Variants in CRPPA observed in about 807,000 individuals in gnomAD.
CRPPA encodes D-ribitol-5-phosphate cytidylyltransferase.
A neutral mutation model predicts 52.0 loss-of-function variants in CRPPA; 43 were observed. That is an observed-to-expected ratio of 0.83 (90% CI 0.65 to 1.07). CRPPA has a LOEUF of 1.07. Ranked by LOEUF, CRPPA falls within the 50% of genes least tolerant of loss-of-function variation. CRPPA has a pLI of 0.00. For missense variants in CRPPA, 629 were observed against 551.7 expected, an observed-to-expected ratio of 1.14 and a Z score of -1.40; for synonymous variants, 250 against 203.5, an observed-to-expected ratio of 1.23 and a Z score of -1.94.
chr7:16,339,094 C>T (rs967975635), intron 3 of CRPPA, among the ~76,000 whole-genome samples: 5 of 152,202 alleles, frequency 3.3e-5, no homozygotes, highest in African/African-American at 9.6e-5. Flanking sequence ...CGTGAGCCAC[C>T]GTACCCGGCC....
intron 5 of CRPPA, among the ~76,000 whole-genome samples, chr7:16,289,105 A>G (rs1368190698): frequency 6.6e-6 from 1 of 152,128 alleles, no homozygotes; most frequent in Non-Finnish European, 1.5e-5. Context: ...GAACACTTAG[A>G]GGAAGTTGTT....
chr7:16,152,497 G>C (rs1783096005), intron 9 of CRPPA, among the ~76,000 whole-genome samples: 1 of 151,922 alleles, frequency 6.6e-6, no homozygotes, highest in South Asian at 2.1e-4. Context: ...AATTAAAAGT[G>C]TCATTCCCAT....
chr7:16,394,004 G>C (rs1025642884), intron 2 of CRPPA, among the ~76,000 whole-genome samples: 1 of 152,106 alleles, frequency 6.6e-6, no homozygotes, highest in Non-Finnish European at 1.5e-5. Flanking sequence ...CCAGTAAATA[G>C]ACTGGAGGAA....
rs1466392698 is a variant in CRPPA at position 16,090,779 on chromosome 7, A to T, written c.*916T>A. On this transcript the variant is annotated 3_prime_UTR_variant, in exon 10 of 10. Transcript: ENST00000407010. ...ATGTATAGATTAAAAGTCACCTCTAATGAATTAAAGGACACCCATAATTAT... is the reference window on the plus strand; with the variant it reads ...ATGTATAGATTAAAAGTCACCTCTATTGAATTAAAGGACACCCATAATTAT... 2.6e-5 allele frequency: 4 copies of T among 152,114 alleles called. No individual in the cohort carries two copies. The highest frequency in any genetic ancestry group is 9.7e-5 in the African/African-American group (4 of 41,450). 9.4% of individuals were successfully genotyped at this position (152,114 alleles called of 1,614,324 possible).
rs182563541 is a variant in CRPPA at position 16,273,196 on chromosome 7, G to C, written c.933+4933C>G. 1.6e-3 allele frequency among the ~76,000 whole-genome samples: 236 copies of C among 148,768 alleles called. 2 individuals are homozygous for C. The highest frequency in any genetic ancestry group is 5.6e-3 in the African/African-American group (226 of 40,474). On this transcript the variant is annotated intron_variant, in intron 6 of 9. Coordinates refer to ENST00000407010, the MANE Select transcript of CRPPA (RefSeq NM_001101426.4). ...ACAGGAGACACGGAAATCCCGGGTA[G>C]AAGAGGACAGTCCCTGGTGAGGGCC... is the stretch of plus-strand genomic sequence containing the variant.
chr7:16,303,572 T>C (rs1784840880), intron 4 of CRPPA, among the ~76,000 whole-genome samples: 1 of 150,122 alleles, frequency 6.7e-6, no homozygotes, highest in South Asian at 2.1e-4. Context: ...TCTCCCATCT[T>C]TCCCTTCACA....
In CRPPA at chr7:16,211,112, G is replaced by A. The variant is rs561414009; in HGVS notation, c.1251+4954C>T. ...CCTGAAAATACGTGCATTTTGTATT[G>A]ACAAAAAAATCTGTAGCAGAAGGTG... On this transcript the variant is annotated intron_variant, in intron 9 of 9. Transcript: ENST00000407010. Among the ~76,000 whole-genome samples, 4 of 152,142 alleles carry A rather than the reference G, an allele frequency of 2.6e-5. No individual in the cohort carries two copies. In the South Asian group the frequency reaches 8.3e-4, roughly 32 times the overall value.
intron 3 of CRPPA, among the ~76,000 whole-genome samples, chr7:16,353,710 C>T (rs911245433): frequency 1.7e-4 from 26 of 151,894 alleles, no homozygotes; most frequent in African/African-American, 5.3e-4. Context: ...TTTAACCAGG[C>T]GTGGTGACAC....
chr7:16,282,904 A>C (rs994606452), intron 5 of CRPPA, among the ~76,000 whole-genome samples: 8 of 152,042 alleles, frequency 5.3e-5, no homozygotes, highest in African/African-American at 1.9e-4. Context: ...ACTAATGATA[A>C]ATTCTCAATC....
intron 9 of CRPPA, among the ~76,000 whole-genome samples, chr7:16,096,104 A>G (rs935021395): frequency 3.3e-5 from 5 of 152,298 alleles, no homozygotes; most frequent in Middle Eastern, 3.4e-3. Context: ...GCCCTAAGAA[A>G]GCTTCAACAA....
At chr7:16,386,322 T>G (rs76312069) in intron 2 of CRPPA, among the ~76,000 whole-genome samples, 1 of 152,184 alleles carries the variant, frequency 6.6e-6, no homozygotes, top group Non-Finnish European at 1.5e-5. Context: ...CTGTCTGCTC[T>G]TCTGCTCATG....
At chr7:16,191,931 G>C (rs1488277651) in intron 9 of CRPPA, among the ~76,000 whole-genome samples, 5 of 152,102 alleles carry the variant, frequency 3.3e-5, no homozygotes, top group Non-Finnish European at 7.4e-5. Context: ...CAAATGCAGA[G>C]ATTGTATGAT....
chr7:16,336,966 G>A (rs1305192648), intron 3 of CRPPA, among the ~76,000 whole-genome samples: 1 of 152,046 alleles, frequency 6.6e-6, no homozygotes, highest in Non-Finnish European at 1.5e-5. Flanking sequence ...CAACCTTGGA[G>A]CACCTAAATA....
At chr7:16,123,311 A>C (rs1782513237) in intron 9 of CRPPA, among the ~76,000 whole-genome samples, 1 of 152,112 alleles carries the variant, frequency 6.6e-6, no homozygotes, top group Non-Finnish European at 1.5e-5. Context: ...TCCAGGGTAC[A>C]TAAAACAGCA....
intron 8 of CRPPA, among the ~76,000 whole-genome samples, chr7:16,226,595 A>G (rs1389901908): frequency 1.3e-5 from 2 of 151,924 alleles, no homozygotes; most frequent in East Asian, 3.9e-4. Flanking sequence ...TAAAAATAAA[A>G]CTCAGGTCAT....
intron 3 of CRPPA, 98 bp downstream of exon 3, chr7:16,375,994 T>G: frequency 8.6e-7 from 1 of 1,168,800 alleles, no homozygotes; most frequent in East Asian, 2.6e-5. Context: ...AGTATAACTA[T>G]ACGCTCAGTC....
At chr7:16,398,586 G>A (rs530509583) in intron 2 of CRPPA, among the ~76,000 whole-genome samples, 1 of 152,122 alleles carries the variant, frequency 6.6e-6, no homozygotes, top group Non-Finnish European at 1.5e-5. Flanking sequence ...TGTGGCACGT[G>A]ACTGACGTTG....
chr7:16,397,022 G>A (rs1036812747), intron 2 of CRPPA, among the ~76,000 whole-genome samples: 8 of 150,660 alleles, frequency 5.3e-5, no homozygotes, highest in South Asian at 2.1e-4. Flanking sequence ...TGTGAAACAT[G>A]TGCCAGAACA....
At chr7:16,333,469 C>T (rs950195992) in intron 3 of CRPPA, among the ~76,000 whole-genome samples, 11 of 152,082 alleles carry the variant, frequency 7.2e-5, no homozygotes, top group African/African-American at 2.7e-4. Context: ...CTAAATAATA[C>T]ATGTGTAAAA....
Sources: gnomAD v4.1 joint callset for allele counts (sites outside exome capture counted in the v4.1 genomes callset) on GRCh38, gnomAD v4.1.1 for gene constraint, MANE v1.5 for transcripts, NCBI Gene and HGNC (gene_info 2026-07-23, HGNC 2026-07-21) for gene names.